Variants in N4BP2L2 observed in about 807,000 individuals in gnomAD.
N4BP2L2 encodes the protein NEDD4 binding protein 2 like 2.
Under a neutral mutation model 56.2 loss-of-function variants are expected in N4BP2L2, and 50 were observed. That is an observed-to-expected ratio of 0.89 (90% CI 0.71 to 1.13). N4BP2L2 has a LOEUF of 1.13. Among genes scored for constraint, N4BP2L2 ranks in the 50% most tolerant of loss-of-function variants. N4BP2L2 has a pLI of 0.00. For synonymous variants in N4BP2L2, 203 were observed against 223.6 expected (o/e 0.91, Z 0.82); for missense variants, 689 against 693.8 (o/e 0.99, Z 0.08).
chr13:32,436,647 G>A (rs1018932539), intron 8 of N4BP2L2, among the ~76,000 whole-genome samples: 4 of 151,642 alleles, frequency 2.6e-5, no homozygotes, highest in Admixed American at 6.6e-5. Context: ...AAAATTAGCT[G>A]GGTATGGTGG....
At chr13:32,436,244 T>C in intron 9 of N4BP2L2, 2 of 459,856 alleles carry the variant, frequency 4.3e-6, no homozygotes, top group Non-Finnish European at 7.8e-6. Context: ...ACAAACTTCA[T>C]TTTTTATATT....
At chr13:32,520,873 T>A (rs1343963018) in intron 5 of N4BP2L2, among the ~76,000 whole-genome samples, 61 of 152,166 alleles carry the variant, frequency 4.0e-4, no homozygotes, top group Non-Finnish European at 4.4e-5. Context: ...CTGTACTCAT[T>A]TGGCAGAACA....
At chr13:32,436,860 C>CTATTTATTTATTTATA (rs147647946) in intron 8 of N4BP2L2, among the ~76,000 whole-genome samples, 3 of 131,636 alleles carry the variant, frequency 2.3e-5, no homozygotes, top group African/African-American at 8.7e-5. Context: ...TATCTAATAT[C>CTATTTATTTATTTATA]TATCTATTTA....
intron 5 of N4BP2L2, among the ~76,000 whole-genome samples, chr13:32,519,043 C>A (rs2050028136): frequency 6.6e-6 from 1 of 151,534 alleles, no homozygotes. Flanking sequence ...GGAAAAAGGC[C>A]AGAAATGTTT....
At chr13:32,471,761 A>C (rs2082342096) in intron 6 of N4BP2L2, among the ~76,000 whole-genome samples, 1 of 152,206 alleles carries the variant, frequency 6.6e-6, no homozygotes, top group African/African-American at 2.4e-5. Context: ...AGCTAGTGTG[A>C]GTGAGCTGCT....
At chr13:32,438,759 A>G (rs1269987746) in intron 7 of N4BP2L2, 2 of 1,542,760 alleles carry the variant, frequency 1.3e-6, no homozygotes, top group Non-Finnish European at 1.8e-6. Flanking sequence ...AGAAAGACCT[A>G]ATCTCATCTC....
At chr13:32,494,898 C>G (rs1371660491) in intron 6 of N4BP2L2, among the ~76,000 whole-genome samples, 1 of 151,686 alleles carries the variant, frequency 6.6e-6, no homozygotes, top group Non-Finnish European at 1.5e-5. Context: ...AACAAAGTCC[C>G]TTTGCTCCCA....
At chr13:32,536,861 G>A (rs749931521) in exon 2 of N4BP2L2, 8 of 1,613,836 alleles carry the variant, frequency 5.0e-6, no homozygotes, top group Non-Finnish European at 6.8e-6. Flanking sequence ...GATGGTCACA[G>A]GGACCCAATC....
intron 5 of N4BP2L2, among the ~76,000 whole-genome samples, chr13:32,520,038 T>C (rs1349708952): frequency 6.6e-6 from 1 of 152,152 alleles, no homozygotes; most frequent in Non-Finnish European, 1.5e-5. Context: ...ATACTAATAC[T>C]AATCTGTTTG....
At chr13:32,492,713 AC>A (rs2087451514) in intron 6 of N4BP2L2, among the ~76,000 whole-genome samples, 1 of 152,150 alleles carries the variant, frequency 6.6e-6, no homozygotes, top group South Asian at 2.1e-4. Flanking sequence ...TAATTTAGCA[AC>A]CACATTTCTA....
intron 6 of N4BP2L2, among the ~76,000 whole-genome samples, chr13:32,493,144 C>G (rs974696108): frequency 6.6e-6 from 1 of 151,862 alleles, no homozygotes; most frequent in Admixed American, 6.6e-5. Context: ...AGGCTGCTCT[C>G]GAACTCCTGA....
At chr13:32,453,319 AG>A (rs939529439) in intron 6 of N4BP2L2, among the ~76,000 whole-genome samples, 4 of 152,184 alleles carry the variant, frequency 2.6e-5, no homozygotes, top group Admixed American at 2.6e-4. Flanking sequence ...AAACTCCAAA[AG>A]CTCATCCCTT....
At chr13:32,452,098 C>T (rs1316239545) in intron 6 of N4BP2L2, among the ~76,000 whole-genome samples, 1 of 146,942 alleles carries the variant, frequency 6.8e-6, no homozygotes, top group African/African-American at 2.5e-5. Context: ...TTTCACTCTC[C>T]TTGCCCAGGC....
intron 6 of N4BP2L2, among the ~76,000 whole-genome samples, chr13:32,445,474 A>G (rs945480377): frequency 2.0e-5 from 3 of 152,216 alleles, no homozygotes; most frequent in Non-Finnish European, 4.4e-5. Flanking sequence ...CTGTTTCAGA[A>G]TGGGACAAAT....
At chr13:32,492,407 C>A (rs1033676033) in intron 6 of N4BP2L2, among the ~76,000 whole-genome samples, 3 of 151,458 alleles carry the variant, frequency 2.0e-5, no homozygotes, top group Non-Finnish European at 4.4e-5. Context: ...CTCAGCCTCC[C>A]GAGTAGCTGG....
At chr13:32,492,523 T>G (rs950605858) in intron 6 of N4BP2L2, among the ~76,000 whole-genome samples, 1 of 152,154 alleles carries the variant, frequency 6.6e-6, no homozygotes, top group East Asian at 1.9e-4. Context: ...ATATTTAAGA[T>G]GAAAATTCAT....
At chr13:32,461,604 CTAT>C (rs1195883354) in intron 6 of N4BP2L2, among the ~76,000 whole-genome samples, 2 of 152,114 alleles carry the variant, frequency 1.3e-5, no homozygotes, top group Admixed American at 1.3e-4. Flanking sequence ...GTTAGAATGG[CTAT>C]TATTATTATT....
chr13:32,468,267 A>G (rs1265850129), intron 6 of N4BP2L2, among the ~76,000 whole-genome samples: 1 of 126,902 alleles, frequency 7.9e-6, no homozygotes, highest in Non-Finnish European at 1.8e-5. Context: ...GCAAAAAGAG[A>G]CAAAAAAAAA....
chr13:32,536,159 T>C (rs1460016233), exon 2 of N4BP2L2: 4 of 1,613,716 alleles, frequency 2.5e-6, no homozygotes, highest in Non-Finnish European at 3.4e-6. Context: ...TCTCTGAATG[T>C]TTAAATGATA....
Sources: gnomAD v4.1 joint callset for allele counts (sites outside exome capture counted in the v4.1 genomes callset) on GRCh38, gnomAD v4.1.1 for gene constraint, MANE v1.5 for transcripts, NCBI Gene and HGNC (gene_info 2026-07-23, HGNC 2026-07-21) for gene names.